Variants in GPAT3 observed in about 807,000 individuals in gnomAD.
The protein encoded by GPAT3 is 1-AGP acyltransferase 9.
Under a neutral mutation model 58.8 loss-of-function variants are expected in GPAT3, and 53 were observed. The ratio of observed to expected loss-of-function variants is 0.90; its 90% CI spans 0.72 to 1.13. The LOEUF is 1.13. Among genes scored for constraint, GPAT3 ranks in the 50% most tolerant of loss-of-function variants. The pLI is 0.00. For synonymous variants in GPAT3, 197 were observed against 187.4 expected, an observed-to-expected ratio of 1.05 and a Z score of -0.42; for missense variants, 511 against 527.6, an observed-to-expected ratio of 0.97 and a Z score of 0.31.
chr4:83,571,561 A>G (rs984298129), intron 2 of GPAT3, among the ~76,000 whole-genome samples: 1 of 151,710 alleles, frequency 6.6e-6, no homozygotes, highest in Non-Finnish European at 1.5e-5. Flanking sequence ...CTTTGTTGAA[A>G]AATTAGACAT....
intron 2 of GPAT3, among the ~76,000 whole-genome samples, chr4:83,553,607 GATT>G (rs1724834264): frequency 6.6e-6 from 1 of 152,026 alleles, no homozygotes. Flanking sequence ...GAGATTCAAA[GATT>G]ATTTGAGGCC....
intron 2 of GPAT3, among the ~76,000 whole-genome samples, chr4:83,550,083 T>C (rs113421016): frequency 2.0e-5 from 3 of 152,082 alleles, no homozygotes; most frequent in African/African-American, 7.2e-5. Flanking sequence ...GGTCTTGAAC[T>C]CCTCAGGATG....
chr4:83,568,637 A>C (rs1486318995), intron 2 of GPAT3, among the ~76,000 whole-genome samples: 6 of 151,714 alleles, frequency 4.0e-5, no homozygotes, highest in Non-Finnish European at 4.4e-5. Context: ...CGTCCGGGGT[A>C]GCTGGGACTA....
In GPAT3 at chr4:83,588,197, C is replaced by T. The variant is rs1458604987; in HGVS notation, c.555-13C>T. Reference sequence around the variant, plus strand: ...CCCAGAATGGCACAATAAAATGTTTCTATTTCCTTCAGCCTCAAAAACTGG... The same window carrying T: ...CCCAGAATGGCACAATAAAATGTTTTTATTTCCTTCAGCCTCAAAAACTGG... On this transcript the variant is annotated splice_polypyrimidine_tract_variant and intron_variant, in intron 4 of 11. Coordinates refer to ENST00000264409, the MANE Select transcript of GPAT3 (RefSeq NM_032717.5). The T allele has an allele frequency of 6.2e-7, 1 of 1,613,124 alleles. No homozygotes were observed. Among genetic ancestry groups the T allele is most frequent in the Admixed American group, 1.7e-5 (1 of 59,954 alleles).
chr4:83,601,158 T>A (rs1294642782), intron 11 of GPAT3, among the ~76,000 whole-genome samples: 1 of 152,212 alleles, frequency 6.6e-6, no homozygotes, highest in African/African-American at 2.4e-5. Flanking sequence ...GACTTTATAG[T>A]AGGTTCTTGA....
intron 1 of GPAT3, 152 bp downstream of exon 1, chr4:83,536,915 G>A (rs1244877235): frequency 2.8e-5 from 20 of 725,114 alleles, no homozygotes; most frequent in Non-Finnish European, 4.2e-5. Context: ...GCAGCAGTGC[G>A]AAAGTCAGCA....
chr4:83,542,020 T>C (rs530532421), intron 1 of GPAT3, among the ~76,000 whole-genome samples: 1 of 152,102 alleles, frequency 6.6e-6, no homozygotes, highest in African/African-American at 2.4e-5. Flanking sequence ...CCTATCTAAA[T>C]ATAGTCACAT....
At position 83,536,160 on chromosome 4, in the gene GPAT3, C is replaced by T. The variant is rs1724071794; in HGVS notation, c.-463C>T. ...GCCAGCTCCGCCGGCGACCGGTGTG[C>T]CAAAGTGCGGTGCTCCCGCAGGGAA... On this transcript the variant is annotated 5_prime_UTR_variant, in exon 1 of 12. Transcript: ENST00000264409. 9.1e-6 allele frequency: 9 copies of T among 986,002 alleles called. No individual in the cohort carries two copies. The South Asian group carries it at 2.3e-4, about 26-fold the overall frequency. The allele number at this position is 986,002 out of a possible 1,614,324, so 61.1% of individuals were successfully genotyped here. A position where few individuals can be genotyped will look rare whatever the true frequency, so the allele number is the denominator to read the frequency against.
At chr4:83,558,635 A>G (rs1157890170) in intron 2 of GPAT3, among the ~76,000 whole-genome samples, 1 of 152,218 alleles carries the variant, frequency 6.6e-6, no homozygotes, top group East Asian at 1.9e-4. Flanking sequence ...GGGATGAGGG[A>G]ATAGCTTAAT....
chr4:83,596,906 T>C lies in GPAT3; in HGVS notation c.903T>C (p.Phe301=). Residue 301 remains phenylalanine, a synonymous_variant, in exon 8 of 12, where the codon TTT becomes TTC. Coordinates refer to ENST00000264409, the MANE Select transcript of GPAT3 (RefSeq NM_032717.5). ...AGAAGAAACTACCCATACTAATTTT[T>C]CCTGAAGGTAAGAATGGGCCTGCCT... ...ADKKKLPILI[F]PEGTCINNTS... 1 of 1,600,870 alleles carries C rather than the reference T, an allele frequency of 6.2e-7. No individual in the cohort carries two copies. The highest frequency in any genetic ancestry group is 1.4e-5 in the African/African-American group (1 of 73,928).
chr4:83,583,900 C>T (rs557065594), intron 3 of GPAT3, among the ~76,000 whole-genome samples: 15 of 151,336 alleles, frequency 9.9e-5, no homozygotes, highest in South Asian at 2.1e-4. Context: ...CACTTGAACC[C>T]GGGAGGCGGA....
intron 7 of GPAT3, among the ~76,000 whole-genome samples, chr4:83,595,500 T>C (rs532713146): frequency 1.7e-4 from 26 of 152,262 alleles, no homozygotes; most frequent in African/African-American, 5.5e-4. Context: ...GGTAGGAGAA[T>C]GGCTTGAACC....
chr4:83,601,565 C>A (rs181511490), intron 11 of GPAT3, among the ~76,000 whole-genome samples: 357 of 152,246 alleles, frequency 2.3e-3, no homozygotes, highest in Admixed American at 4.3e-3. Context: ...CCAGCCTGGG[C>A]AACATGGCGA....
chr4:83,543,397 A>T (rs1724382718), intron 1 of GPAT3, among the ~76,000 whole-genome samples: 1 of 152,232 alleles, frequency 6.6e-6, no homozygotes. Context: ...TTGAACTATG[A>T]TGTTAATAGT....
rs761351611 is a variant in GPAT3 at position 83,593,166 on chromosome 4, C to CTTTTTTTTTT, written c.739-1671_739-1662dup. ...ACAGGTGTGAGCCACCGAGCCAGGA[C>CTTTTTTTTTT]TTTTTTTTTTTTTTTTTAAACATAG... On this transcript the variant is annotated intron_variant, in intron 6 of 11. Coordinates refer to ENST00000264409, the MANE Select transcript of GPAT3 (RefSeq NM_032717.5). Among the ~76,000 whole-genome samples the CTTTTTTTTTT allele has an allele frequency of 2.9e-3, 331 of 112,340 alleles. 7 individuals are homozygous for CTTTTTTTTTT. The highest frequency in any genetic ancestry group is 9.3e-3 in the African/African-American group (299 of 32,320). The allele number at this position is 112,340 out of a possible 152,430, so 73.7% of individuals were successfully genotyped here.
chr4:83,556,362 G>A (rs186749293), intron 2 of GPAT3, among the ~76,000 whole-genome samples: 1 of 152,242 alleles, frequency 6.6e-6, no homozygotes, highest in East Asian at 1.9e-4. Flanking sequence ...GCCGGATATG[G>A]TGGTGCACAG....
At chr4:83,582,111 G>A (rs750598065) in intron 3 of GPAT3, among the ~76,000 whole-genome samples, 20 of 152,012 alleles carry the variant, frequency 1.3e-4, no homozygotes, top group Non-Finnish European at 2.2e-4. Context: ...GGAGAGAAAA[G>A]GGAAGTGAAG....
At chr4:83,563,819 T>C (rs778027591) in intron 2 of GPAT3, among the ~76,000 whole-genome samples, 48 of 152,292 alleles carry the variant, frequency 3.2e-4, no homozygotes, top group Non-Finnish European at 6.3e-4. Context: ...ACACCAAACA[T>C]GATGTCCTAT....
At chr4:83,550,247 GGT>G (rs1459609345) in intron 2 of GPAT3, among the ~76,000 whole-genome samples, 2 of 151,926 alleles carry the variant, frequency 1.3e-5, no homozygotes, top group Non-Finnish European at 2.9e-5. Flanking sequence ...TGCCCAGGCT[GGT>G]CTTGAACTCC....
Sources: gnomAD v4.1 joint callset for allele counts (sites outside exome capture counted in the v4.1 genomes callset) on GRCh38, gnomAD v4.1.1 for gene constraint, MANE v1.5 for transcripts, NCBI Gene and HGNC (gene_info 2026-07-23, HGNC 2026-07-21) for gene names.